RESF1: variants seen among roughly 807,000 people sequenced by gnomAD.
RESF1 encodes retroelement silencing factor 1.
In RESF1, 65 loss-of-function variants were observed where a neutral mutation model predicts 134.7. The observed-to-expected ratio is 0.48, with a 90% CI of 0.40 to 0.59. The LOEUF is 0.59. RESF1 is among the 20% of genes least tolerant of loss of function. RESF1 has a pLI of 0.00. For synonymous variants in RESF1, 762 were observed against 702.2 expected (o/e 1.09, Z -1.35); for missense variants, 2,274 against 2,002.7 (o/e 1.14, Z -2.59).
intron 1 of RESF1, chr12:31,959,963 CT>C (rs200957660): frequency 1.6e-3 from 238 of 144,306 alleles, no homozygotes; most frequent in Non-Finnish European, 1.7e-3. Context: ...AAAGAAAAAT[CT>C]TTTTTTTTTT....
chr12:31,973,582 A>G (rs970200584), intron 3 of RESF1, among the ~76,000 whole-genome samples: 4 of 152,118 alleles, frequency 2.6e-5, no homozygotes, highest in African/African-American at 9.7e-5. Flanking sequence ...TTGTGTAGCT[A>G]GTAGGCAATC....
chr12:31,990,669 A>G (rs1401628482), intron 5 of RESF1, among the ~76,000 whole-genome samples: 2 of 151,760 alleles, frequency 1.3e-5, no homozygotes, highest in Non-Finnish European at 2.9e-5. Context: ...TTGAACTCCA[A>G]CCTCAGTGAT....
chr12:31,964,143 T>G (rs1462122557), intron 2 of RESF1, among the ~76,000 whole-genome samples: 2 of 152,178 alleles, frequency 1.3e-5, no homozygotes, highest in African/African-American at 4.8e-5. Flanking sequence ...TTATTTAACT[T>G]TTGTTTTATG....
rs776359396 is a variant in RESF1 at position 31,985,156 on chromosome 12, G to A, written c.4201G>A (p.Val1401Met). 7.7e-6 allele frequency: 12 copies of A among 1,555,982 alleles called. No homozygotes were observed. Among genetic ancestry groups the A allele is most frequent in the Non-Finnish European group, 1.0e-5 (12 of 1,159,406 alleles). Reference sequence around the variant, plus strand: ...TGATAAACAAGAACAGAAAGGAAGTGTGGGAGCTACATTCAAATTAGGTGA... The same window carrying A: ...TGATAAACAAGAACAGAAAGGAAGTATGGGAGCTACATTCAAATTAGGTGA... Reference protein sequence around the residue: ...KHDKQEQKGSVGATFKLGDSL... With the variant: ...KHDKQEQKGSMGATFKLGDSL... The change falls in exon 4 of 6, where the codon GTG becomes ATG. Residue 1401 changes from valine to methionine, a missense_variant. Transcript: ENST00000312561.
Position 31,982,549 on chromosome 12 carries a change from G to A in RESF1, c.1594G>A (p.Val532Ile). 1 of 1,613,858 alleles carries A rather than the reference G, an allele frequency of 6.2e-7. No individual in the cohort carries two copies. The highest frequency in any genetic ancestry group is 8.5e-7 in the Non-Finnish European group (1 of 1,180,022). ...VKVLTSKTSA[V>I]EMTQAVLNTQ... ...AGTTCTCACTTCAAAGACATCAGCT[G>A]TTGAGATGACCCAGGCAGTATTGAA... Residue 532 changes from valine (V) to isoleucine (I), a missense_variant, in exon 4 of 6, where the codon GTT becomes ATT. Coordinates refer to ENST00000312561, the MANE Select transcript of RESF1 (RefSeq NM_018169.4).
At position 31,984,386 on chromosome 12, in the gene RESF1, T is replaced by C. The variant is rs1939901405; in HGVS notation, c.3431T>C (p.Val1144Ala). Residue 1144 changes from valine (V) to alanine (A), a missense_variant, in exon 4 of 6, where the codon GTT becomes GCT. Physicochemically the swap from Val to Ala is moderately conservative, Grantham distance 64. Coordinates refer to ENST00000312561, the MANE Select transcript of RESF1 (RefSeq NM_018169.4). ...PQKEEPITEV[V>A]SQCDLQAPAA... ...AAAGAAGAGCCCATCACAGAAGTAGTTAGCCAGTGTGACCTGCAGGCACCT... is the reference window on the plus strand; with the variant it reads ...AAAGAAGAGCCCATCACAGAAGTAGCTAGCCAGTGTGACCTGCAGGCACCT... 32 of 1,613,978 alleles carry C rather than the reference T, an allele frequency of 2.0e-5. No homozygotes were observed. The East Asian group carries it at 6.9e-4, about 35-fold the overall frequency.
Position 31,983,407 on chromosome 12 carries a change from G to A in RESF1, c.2452G>A (p.Val818Ile). The A allele has an allele frequency of 6.2e-7, 1 of 1,614,032 alleles. No individual in the cohort carries two copies. The highest frequency in any genetic ancestry group is 8.5e-7 in the Non-Finnish European group (1 of 1,180,008). Reference sequence around the variant, plus strand: ...GGCAACTGCTGCTTTGAAAGTTGATGTTAGTGGACCAGTAGCAAGTACAGC... The same window carrying A: ...GGCAACTGCTGCTTTGAAAGTTGATATTAGTGGACCAGTAGCAAGTACAGC... ...AKATAALKVD[V>I]SGPVASTATS... The change falls in exon 4 of 6, where the codon GTT becomes ATT. Residue 818 changes from valine to isoleucine, a missense_variant. Val to Ile is a conservative substitution (Grantham distance 29, BLOSUM62 3). Coordinates refer to ENST00000312561, the MANE Select transcript of RESF1 (RefSeq NM_018169.4).
chr12:31,963,561 G>A (rs1315804225), intron 2 of RESF1, among the ~76,000 whole-genome samples: 1 of 152,108 alleles, frequency 6.6e-6, no homozygotes, highest in African/African-American at 2.4e-5. Context: ...TGTAACTATA[G>A]TTAGAGATAA....
At chr12:31,972,523 G>A (rs944304437) in intron 3 of RESF1, among the ~76,000 whole-genome samples, 2 of 150,910 alleles carry the variant, frequency 1.3e-5, no homozygotes, top group African/African-American at 4.9e-5. Flanking sequence ...GGAGAATGGC[G>A]TGAACCTGGG....
intron 2 of RESF1, among the ~76,000 whole-genome samples, chr12:31,969,885 C>T (rs1939470842): frequency 6.6e-6 from 1 of 152,056 alleles, no homozygotes; most frequent in African/African-American, 2.4e-5. Context: ...GCCACTGTGC[C>T]CAGCCTAGGT....
intron 2 of RESF1, among the ~76,000 whole-genome samples, chr12:31,963,614 G>T (rs1565836519): frequency 6.6e-6 from 1 of 152,116 alleles, no homozygotes; most frequent in East Asian, 1.9e-4. Flanking sequence ...CCAGTGTACA[G>T]TTTCAGTGGT....
intron 2 of RESF1, among the ~76,000 whole-genome samples, chr12:31,963,515 A>G (rs1418177118): frequency 1.3e-5 from 2 of 152,150 alleles, no homozygotes; most frequent in Non-Finnish European, 2.9e-5. Flanking sequence ...ACATCTCCAG[A>G]TGCAAGCAGC....
chr12:31,981,521 C>G lies in RESF1; in HGVS notation c.566C>G (p.Ser189Cys). 6.2e-7 allele frequency: 1 copy of G among 1,614,030 alleles called. No homozygotes were observed. Among genetic ancestry groups the G allele is most frequent in the Non-Finnish European group, 8.5e-7 (1 of 1,179,912 alleles). Residue 189 changes from serine (S) to cysteine (C), a missense_variant, in exon 4 of 6, where the codon TCT becomes TGT. Transcript: ENST00000312561. ...CAAGGAAATCAGGGACTTAACCAGT[C>G]TTTTTCAGAGCAACAGGTTGATTGG... ...AYQGNQGLNQ[S>C]FSEQQVDWTQ...
chr12:31,982,786 CCAGA>C lies in RESF1; in HGVS notation c.1835_1838del (p.Asp612ValfsTer4). The C allele has an allele frequency of 1.2e-6, 2 of 1,614,080 alleles. No homozygotes were observed. Among genetic ancestry groups the C allele is most frequent in the Non-Finnish European group, 1.7e-6 (2 of 1,179,980 alleles). ...TAATCAAACTATTCAGGATTCTAAA[CCAGA>C]CAGTTGTGAAATGAATCCAAATACC... On this transcript the variant is annotated frameshift_variant, in exon 4 of 6. Coordinates refer to ENST00000312561, the MANE Select transcript of RESF1 (RefSeq NM_018169.4). LOFTEE classifies it high-confidence loss of function.
In RESF1 at chr12:31,982,753, A is replaced by G. The variant is rs745660080; in HGVS notation, c.1798A>G (p.Lys600Glu). The stretch of plus-strand genomic sequence containing the variant: ...ACGTAAGACTCAGAAGACAGTATTA[A>G]AAGATGCTAATCAAACTATTCAGGA... ...QARKTQKTVL[K>E]DANQTIQDSK... is the part of the protein sequence containing the mutation. Residue 600 changes from lysine to glutamate, a missense_variant, in exon 4 of 6, where the codon AAA (lysine) becomes GAA (glutamate). By Grantham distance (56) the Lys-to-Glu change is moderately conservative. Coordinates refer to ENST00000312561, the MANE Select transcript of RESF1 (RefSeq NM_018169.4). 1.5e-5 allele frequency: 24 copies of G among 1,613,982 alleles called. No homozygotes were observed. In the East Asian group the frequency reaches 5.3e-4, roughly 36 times the overall value.
intron 5 of RESF1, among the ~76,000 whole-genome samples, chr12:31,990,746 C>T (rs138447512): frequency 8.4e-4 from 128 of 152,304 alleles, no homozygotes; most frequent in Non-Finnish European, 1.4e-3. Flanking sequence ...GCCACATGGG[C>T]ATTTTTTAAA....
rs1198347334 is a variant in RESF1 at position 31,984,186 on chromosome 12, C to T, written c.3231C>T (p.Gly1077=). Residue 1077 remains glycine, a synonymous_variant, in exon 4 of 6, where the codon GGC becomes GGT. Coordinates refer to ENST00000312561, the MANE Select transcript of RESF1 (RefSeq NM_018169.4). ...EAVNTREGSV[G]QQTTYQTSED... is the part of the protein sequence containing the mutation. ...TGAATACACGTGAAGGTTCTGTGGG[C>T]CAGCAAACTACATACCAGACCTCAG... The T allele has an allele frequency of 1.9e-6, 3 of 1,613,020 alleles. No individual in the cohort carries two copies. The highest frequency in any genetic ancestry group is 2.2e-5 in the East Asian group (1 of 44,890).
At chr12:31,976,100 GT>G (rs1939624101) in intron 3 of RESF1, among the ~76,000 whole-genome samples, 1 of 152,146 alleles carries the variant, frequency 6.6e-6, no homozygotes, top group African/African-American at 2.4e-5. Context: ...GGTATTGAGA[GT>G]TGAAAAAATT....
chr12:31,985,504 A>G lies in RESF1; in HGVS notation c.4549A>G (p.Lys1517Glu), dbSNP rs1456530985. ...ESLNGLTSHG[K>E]NLKIHHSQES... ...ATTAAATGGCTTGACAAGCCATGGT[A>G]AAAACCTCAAAATCCACCATTCTCA... The change falls in exon 4 of 6, where the codon AAA (lysine) becomes GAA (glutamate). Residue 1517 changes from lysine to glutamate, a missense_variant. Lys to Glu is a moderately conservative substitution (Grantham distance 56, BLOSUM62 1). Transcript: ENST00000312561. 2 of 1,603,284 alleles carry G rather than the reference A, an allele frequency of 1.2e-6. No individual in the cohort carries two copies. Among genetic ancestry groups the G allele is most frequent in the Non-Finnish European group, 1.7e-6 (2 of 1,177,024 alleles).
Sources: gnomAD v4.1 joint callset for allele counts (sites outside exome capture counted in the v4.1 genomes callset) on GRCh38, gnomAD v4.1.1 for gene constraint, MANE v1.5 for transcripts, NCBI Gene and HGNC (gene_info 2026-07-23, HGNC 2026-07-21) for gene names.